SUMF1: variants seen among roughly 807,000 people sequenced by gnomAD.
The protein encoded by SUMF1 is formylglycine-generating enzyme.
In SUMF1, 48 loss-of-function variants were observed where a neutral mutation model predicts 47.6. The ratio of observed to expected loss-of-function variants is 1.01; its 90% CI spans 0.80 to 1.28. SUMF1 has a LOEUF of 1.28. SUMF1 is among the 50% of genes most tolerant of loss of function. The pLI is 0.00. For missense variants in SUMF1, 571 were observed against 485.4 expected (o/e 1.18, Z -1.66); for synonymous variants, 230 against 192.1 (o/e 1.20, Z -1.63).
chr3:4,330,244 C>A (rs888607749), intron 8 of SUMF1, among the ~76,000 whole-genome samples: 2 of 152,232 alleles, frequency 1.3e-5, no homozygotes, highest in Non-Finnish European at 2.9e-5. Flanking sequence ...TCCAAAGTCT[C>A]TTCCACATTT....
At chr3:4,192,558 A>G (rs975726002) in intron 8 of SUMF1, among the ~76,000 whole-genome samples, 2 of 152,082 alleles carry the variant, frequency 1.3e-5, no homozygotes, top group African/African-American at 4.8e-5. Flanking sequence ...ATAATAAAGA[A>G]TTTGTCTGGT....
chr3:4,138,666 G>A (rs1186662882), intron 8 of SUMF1, among the ~76,000 whole-genome samples: 1 of 152,096 alleles, frequency 6.6e-6, no homozygotes, highest in African/African-American at 2.4e-5. Context: ...ACTCCATGCA[G>A]AGAATATGAC....
At chr3:4,395,945 T>C (rs1468914706) in intron 7 of SUMF1, among the ~76,000 whole-genome samples, 1 of 152,252 alleles carries the variant, frequency 6.6e-6, no homozygotes, top group Admixed American at 6.5e-5. Context: ...TCTATATTTT[T>C]AGTCTTCCAA....
intron 1 of SUMF1, among the ~76,000 whole-genome samples, chr3:4,465,045 T>C (rs2079907017): frequency 1.3e-5 from 2 of 152,204 alleles, no homozygotes; most frequent in African/African-American, 2.4e-5. Flanking sequence ...GAAAATAGAA[T>C]GTTTAAAAAT....
chr3:4,350,082 C>G (rs1026751739), intron 8 of SUMF1, among the ~76,000 whole-genome samples: 7 of 151,344 alleles, frequency 4.6e-5, no homozygotes, highest in Admixed American at 3.3e-4. Context: ...GTCACTGCAA[C>G]CTCTGCCTTC....
At chr3:4,335,418 G>T (rs1269242626) in intron 8 of SUMF1, among the ~76,000 whole-genome samples, 2 of 152,164 alleles carry the variant, frequency 1.3e-5, no homozygotes, top group East Asian at 3.9e-4. Context: ...ATACCAAAAT[G>T]AATCCCCAAA....
intron 8 of SUMF1, among the ~76,000 whole-genome samples, chr3:4,340,425 T>C (rs183545867): frequency 1.4e-3 from 206 of 152,308 alleles, no homozygotes; most frequent in African/African-American, 4.7e-3. Context: ...TGTAATAGTT[T>C]ATGGTCTTCA....
At chr3:4,098,069 T>C (rs766726224) in intron 8 of SUMF1, among the ~76,000 whole-genome samples, 2 of 152,132 alleles carry the variant, frequency 1.3e-5, no homozygotes, top group Non-Finnish European at 2.9e-5. Context: ...GAATAACGTA[T>C]CTTCCTGTCA....
rs186921572 is a variant in SUMF1, at chr3:4,288,309, C to T, written c.1014+88021G>A. On this transcript the variant is annotated intron_variant and NMD_transcript_variant, in intron 8 of 12. Transcript: ENST00000448413. ...CCCTGTTGGCACAGCACAAAAATGT[C>T]ATCAGCTTTAGGCAAAGATTAAGAA... Among the ~76,000 whole-genome samples the T allele has an allele frequency of 2.5e-4, 38 of 152,292 alleles. 1 individual carries two copies. The highest frequency in any genetic ancestry group is 2.2e-3 in the Admixed American group (33 of 15,298).
intron 9 of SUMF1, among the ~76,000 whole-genome samples, chr3:4,060,189 T>A (rs540927181): frequency 1.3e-5 from 2 of 152,298 alleles, no homozygotes; most frequent in Admixed American, 6.5e-5. Flanking sequence ...AAGCAATATG[T>A]CAGAACTAAA....
intron 7 of SUMF1, among the ~76,000 whole-genome samples, chr3:4,380,446 A>G (rs936049193): frequency 6.6e-6 from 1 of 152,196 alleles, no homozygotes; most frequent in Non-Finnish European, 1.5e-5. Context: ...TGAGAGAAGG[A>G]TGCGGACTGA....
chr3:4,192,520 G>T (rs1007977347), intron 8 of SUMF1, among the ~76,000 whole-genome samples: 7 of 151,734 alleles, frequency 4.6e-5, no homozygotes, highest in African/African-American at 1.7e-4. Flanking sequence ...AGGATTTGAG[G>T]CCACCTTAAA....
At chr3:4,374,351 C>T (rs1362711475) in intron 8 of SUMF1, among the ~76,000 whole-genome samples, 1 of 152,030 alleles carries the variant, frequency 6.6e-6, no homozygotes, top group African/African-American at 2.4e-5. Flanking sequence ...TCAAGATGAA[C>T]ATAAAAAATC....
At position 4,392,613 on chromosome 3, in the gene SUMF1, GTGTATATATA is replaced by G. The variant is rs879565617; in HGVS notation, c.955-16234_955-16225del. Among the ~76,000 whole-genome samples, 115 of 77,832 alleles carry G rather than the reference GTGTATATATA, an allele frequency of 1.5e-3. 1 individual carries two copies. Among genetic ancestry groups the G allele is most frequent in the Admixed American group, 8.8e-3 (56 of 6,398 alleles). 51.1% of individuals were successfully genotyped at this position (77,832 alleles called of 152,430 possible). A position where few individuals can be genotyped will look rare whatever the true frequency, so the allele number is the denominator to read the frequency against. Reference sequence around the variant, plus strand: ...TATATATGTGTGTGTGTGTGTGTGTGTGTATATATATATATATATATATATATCTACCTAT... The same window carrying G: ...TATATATGTGTGTGTGTGTGTGTGTGTATATATATATATATATCTACCTAT... On this transcript the variant is annotated intron_variant, in intron 7 of 8. Coordinates refer to ENST00000272902, the MANE Select transcript of SUMF1 (RefSeq NM_182760.4).
At chr3:4,357,991 CA>C (rs562730749), downstream of SUMF1, among the ~76,000 whole-genome samples, 1 of 151,334 alleles carries the variant, frequency 6.6e-6, no homozygotes, top group Non-Finnish European at 1.5e-5. Flanking sequence ...ATGCTCTGTT[CA>C]AAAAAAAGTA....
intron 8 of SUMF1, among the ~76,000 whole-genome samples, chr3:4,077,348 C>T (rs1216588691): frequency 6.6e-6 from 1 of 152,116 alleles, no homozygotes; most frequent in Non-Finnish European, 1.5e-5. Flanking sequence ...TATAAAGACA[C>T]ATGCACACGT....
intron 3 of SUMF1, among the ~76,000 whole-genome samples, chr3:4,437,011 T>C (rs1702425055): frequency 6.6e-6 from 1 of 152,222 alleles, no homozygotes; most frequent in Non-Finnish European, 1.5e-5. Context: ...AGTGAAAGTA[T>C]CTTTCAAAAA....
chr3:4,221,968 T>G (rs1403160171), intron 8 of SUMF1, among the ~76,000 whole-genome samples: 1 of 151,996 alleles, frequency 6.6e-6, no homozygotes, highest in African/African-American at 2.4e-5. Context: ...AGCACTACAC[T>G]TTTATAATGA....
At chr3:4,277,097 C>T (rs767416274) in intron 8 of SUMF1, among the ~76,000 whole-genome samples, 84 of 152,220 alleles carry the variant, frequency 5.5e-4, no homozygotes, top group Non-Finnish European at 7.9e-4. Context: ...ATACGCGGAA[C>T]CTGCTTAATA....
Sources: allele counts gnomAD v4.1 joint callset (sites outside exome capture counted in the v4.1 genomes callset), GRCh38; gene constraint gnomAD v4.1.1; transcripts MANE v1.5; gene names NCBI Gene and HGNC (gene_info 2026-07-23, HGNC 2026-07-21).